Variants in NOL4L observed in about 807,000 individuals in gnomAD.
NOL4L encodes nucleolar protein 4-like.
Under a neutral mutation model 64.5 loss-of-function variants are expected in NOL4L, and 7 were observed. That is an observed-to-expected ratio of 0.11 (90% CI 0.06 to 0.20). The LOEUF (loss-of-function observed/expected upper bound fraction) is 0.20. Among genes scored for constraint, NOL4L ranks in the 10% least tolerant of loss-of-function variants. The pLI, the probability that NOL4L is intolerant of heterozygous loss-of-function variation, is 1.00. For synonymous variants in NOL4L, 413 were observed against 401.0 expected (o/e 1.03, Z -0.36); for missense variants, 680 against 967.1 (o/e 0.70, Z 3.94).
intron 1 of NOL4L, among the ~76,000 whole-genome samples, chr20:32,544,362 G>A (rs2018703884): frequency 1.3e-5 from 2 of 152,026 alleles, no homozygotes; most frequent in Non-Finnish European, 2.9e-5. Context: ...TTGAGGCGTG[G>A]TGAGGGGCTG....
intron 9 of NOL4L, among the ~76,000 whole-genome samples, 173 bp from the exon 10 acceptor site, chr20:32,452,610 G>A (rs1488752728): frequency 6.6e-6 from 1 of 152,134 alleles, no homozygotes; most frequent in Non-Finnish European, 1.5e-5. Context: ...CCCCCCGGGG[G>A]CTTTCCCCAA....
intron 4 of NOL4L, among the ~76,000 whole-genome samples, chr20:32,488,823 TTCTTTTTCTTTC>T (rs2016288620): frequency 2.0e-3 from 35 of 17,578 alleles, no homozygotes; most frequent in South Asian, 5.8e-3. Flanking sequence ...CTTTCTTTCT[TTCTTTTTCTTTC>T]TTTCTTTCTT....
At chr20:32,506,198 C>T (rs2017134713) in intron 4 of NOL4L, among the ~76,000 whole-genome samples, 1 of 152,096 alleles carries the variant, frequency 6.6e-6, no homozygotes, top group Non-Finnish European at 1.5e-5. Flanking sequence ...TGAGGAAGCG[C>T]TCTCTCCTGG....
At chr20:32,533,725 A>G (rs1179851200) in intron 1 of NOL4L, among the ~76,000 whole-genome samples, 1 of 152,224 alleles carries the variant, frequency 6.6e-6, no homozygotes, top group African/African-American at 2.4e-5. Flanking sequence ...CCTCCCTGGC[A>G]AAGTTAATAA....
chr20:32,450,780 A>AG (rs911487401), intron 10 of NOL4L, among the ~76,000 whole-genome samples: 10 of 152,196 alleles, frequency 6.6e-5, no homozygotes, highest in East Asian at 1.9e-4. Context: ...CCCCATGTGT[A>AG]GGGGGGGCAG....
chr20:32,495,270 T>C (rs573290875), intron 4 of NOL4L, among the ~76,000 whole-genome samples: 3 of 152,372 alleles, frequency 2.0e-5, no homozygotes, highest in African/African-American at 7.2e-5. Flanking sequence ...CCATTCTAAA[T>C]GCCAGAGCCT....
chr20:32,551,568 C>T (rs568497006), intron 1 of NOL4L, among the ~76,000 whole-genome samples: 6 of 152,034 alleles, frequency 3.9e-5, no homozygotes, highest in South Asian at 2.1e-4. Flanking sequence ...CAAAAGACCA[C>T]GTATTGTATG....
intron 4 of NOL4L, among the ~76,000 whole-genome samples, chr20:32,484,038 G>C (rs955877047): frequency 6.6e-6 from 1 of 151,954 alleles, no homozygotes; most frequent in Middle Eastern, 3.4e-3. Flanking sequence ...TGGGTCCGGT[G>C]GGGGCTGGGG....
At position 32,523,543 on chromosome 20, in the gene NOL4L, C is replaced by A. The variant is rs764399344; in HGVS notation, c.478-2621G>T. ...ATGAGTCGAAACCAGGAGGACAATC[C>A]TAGCAGATGCTCTAGTTAATAGGAT... On this transcript the variant is annotated intron_variant, in intron 2 of 10. Transcript: ENST00000621426. 1.1e-3 allele frequency among the ~76,000 whole-genome samples: 171 copies of A among 152,308 alleles called. 3 individuals carry two copies. Among genetic ancestry groups the A allele is most frequent in the Non-Finnish European group, 3.8e-4 (26 of 68,026 alleles).
chr20:32,530,476 G>C (rs1201735097), intron 1 of NOL4L, among the ~76,000 whole-genome samples: 1 of 152,056 alleles, frequency 6.6e-6, no homozygotes, highest in African/African-American at 2.4e-5. Context: ...GGGAGGCAGA[G>C]CTTGCAGTGA....
intron 3 of NOL4L, among the ~76,000 whole-genome samples, chr20:32,517,473 G>C (rs577161384): frequency 6.6e-6 from 1 of 152,238 alleles, no homozygotes; most frequent in African/African-American, 2.4e-5. Flanking sequence ...GGCTTTCAGC[G>C]GGGGCAGGAG....
intron 3 of NOL4L, 122 bp from the exon 4 acceptor site, chr20:32,511,578 G>A: frequency 1.6e-6 from 1 of 616,910 alleles, no homozygotes; most frequent in Admixed American, 2.7e-5. Context: ...ACAGGTCAGA[G>A]GTCGCAGACT....
intron 3 of NOL4L, among the ~76,000 whole-genome samples, chr20:32,518,334 G>A (rs910470359): frequency 3.3e-5 from 5 of 152,204 alleles, no homozygotes; most frequent in African/African-American, 1.2e-4. Context: ...GTGCTCCCTC[G>A]CTCCCTGGCC....
chr20:32,467,925 C>T (rs927531299), intron 5 of NOL4L, among the ~76,000 whole-genome samples: 2 of 152,200 alleles, frequency 1.3e-5, no homozygotes, highest in African/African-American at 4.8e-5. Context: ...GAGCCCTGGG[C>T]ACTCAGGAAA....
At chr20:32,575,828 G>A (rs1027917801) in intron 1 of NOL4L, among the ~76,000 whole-genome samples, 2 of 152,222 alleles carry the variant, frequency 1.3e-5, no homozygotes, top group Non-Finnish European at 1.5e-5. Context: ...AGGGATCTAA[G>A]GTGGGCCTCA....
At chr20:32,480,179 G>A (rs2015629207) in intron 4 of NOL4L, among the ~76,000 whole-genome samples, 1 of 152,172 alleles carries the variant, frequency 6.6e-6, no homozygotes, top group African/African-American at 2.4e-5. Context: ...GCATCCTCCA[G>A]GACTTGGGAT....
At chr20:32,466,603 G>A (rs1247325112) in intron 5 of NOL4L, among the ~76,000 whole-genome samples, 1 of 150,308 alleles carries the variant, frequency 6.7e-6, no homozygotes, top group African/African-American at 2.5e-5. Context: ...CTCATCTGTT[G>A]TGGGTATTTG....
At chr20:32,550,072 C>T (rs1489011875) in intron 1 of NOL4L, among the ~76,000 whole-genome samples, 2 of 152,164 alleles carry the variant, frequency 1.3e-5, no homozygotes, top group Non-Finnish European at 2.9e-5. Flanking sequence ...GGAATATTAT[C>T]AGCAATAAAA....
At chr20:32,511,153 A>C in intron 4 of NOL4L, 194 bp downstream of exon 4, 2 of 527,860 alleles carry the variant, frequency 3.8e-6, no homozygotes, top group South Asian at 5.1e-5. Flanking sequence ...GGCTGTCTGC[A>C]CAGGAGACCC....
Sources: gnomAD v4.1 joint callset for allele counts (sites outside exome capture counted in the v4.1 genomes callset) on GRCh38, gnomAD v4.1.1 for gene constraint, MANE v1.5 for transcripts, NCBI Gene and HGNC (gene_info 2026-07-23, HGNC 2026-07-21) for gene names.